Variants in BMP6 observed in about 807,000 individuals in gnomAD.
The protein encoded by BMP6 is bone morphogenetic protein 6.
A neutral mutation model predicts 54.1 loss-of-function variants in BMP6; 17 were observed. That is an observed-to-expected ratio of 0.31 (90% CI 0.22 to 0.47). The LOEUF (loss-of-function observed/expected upper bound fraction) is 0.47, where lower values mean the gene tolerates loss of function less well. Ranked by LOEUF, BMP6 falls within the 20% of genes least tolerant of loss-of-function variation. The pLI is 1.00. For missense variants in BMP6, 720 were observed against 690.4 expected (o/e 1.04, Z -0.48); for synonymous variants, 328 against 291.2 (o/e 1.13, Z -1.28).
At chr6:7,756,493 AT>A (rs1174199121) in intron 1 of BMP6, among the ~76,000 whole-genome samples, 1 of 151,704 alleles carries the variant, frequency 6.6e-6, no homozygotes, top group Non-Finnish European at 1.5e-5. Context: ...GTTTTTATGG[AT>A]TGATTTTTCT....
intron 1 of BMP6, among the ~76,000 whole-genome samples, chr6:7,788,335 A>T (rs1758047480): frequency 1.3e-5 from 2 of 152,154 alleles, no homozygotes; most frequent in African/African-American, 4.8e-5. Context: ...AGAACTGGGG[A>T]TCATACTTCA....
intron 1 of BMP6, among the ~76,000 whole-genome samples, chr6:7,756,116 C>A (rs1303007075): frequency 6.6e-6 from 1 of 151,952 alleles, no homozygotes; most frequent in African/African-American, 2.4e-5. Context: ...CACTTTTTGG[C>A]TTTCCTCTTT....
chr6:7,786,154 T>G (rs932420408), intron 1 of BMP6, among the ~76,000 whole-genome samples: 1 of 152,120 alleles, frequency 6.6e-6, no homozygotes, highest in Admixed American at 6.5e-5. Flanking sequence ...ATAGTGAAGT[T>G]TTCTCTGGAT....
In BMP6 at chr6:7,869,573, A is replaced by G. The variant is rs538136897; in HGVS notation, c.1204+7075A>G. Reference sequence around the variant, plus strand: ...TGCCCTGTCCTCACTGCACTGGATGAGAGAGCTATTCTGCAGTTTTCAGTT... The same window carrying G: ...TGCCCTGTCCTCACTGCACTGGATGGGAGAGCTATTCTGCAGTTTTCAGTT... On this transcript the variant is annotated intron_variant, in intron 4 of 6. Coordinates refer to ENST00000283147, the MANE Select transcript of BMP6 (RefSeq NM_001718.6). 1.5e-4 allele frequency among the ~76,000 whole-genome samples: 23 copies of G among 152,292 alleles called. 1 individual carries two copies. Among genetic ancestry groups the G allele is most frequent in the Admixed American group, 1.3e-3 (20 of 15,302 alleles).
At chr6:7,818,091 T>C (rs1484108178) in intron 1 of BMP6, among the ~76,000 whole-genome samples, 1 of 152,240 alleles carries the variant, frequency 6.6e-6, no homozygotes, top group African/African-American at 2.4e-5. Flanking sequence ...GACTGTTTTG[T>C]TCTGCTGATT....
chr6:7,787,521 G>C (rs967274028), intron 1 of BMP6, among the ~76,000 whole-genome samples: 2 of 152,118 alleles, frequency 1.3e-5, no homozygotes, highest in Non-Finnish European at 2.9e-5. Context: ...AAAAAAGCTC[G>C]AAGAGGAATC....
chr6:7,735,884 C>A (rs1471281314), intron 1 of BMP6, among the ~76,000 whole-genome samples: 3 of 152,272 alleles, frequency 2.0e-5, no homozygotes, highest in South Asian at 2.1e-4. Flanking sequence ...CTCTGCCCTA[C>A]AAATCCTCTG....
chr6:7,875,273 CGAG>C (rs1759595118), intron 4 of BMP6, among the ~76,000 whole-genome samples: 1 of 152,116 alleles, frequency 6.6e-6, no homozygotes, highest in Non-Finnish European at 1.5e-5. Context: ...GGCCCTGAAC[CGAG>C]GAGATGATAC....
chr6:7,859,505 G>A (rs1046300783), intron 2 of BMP6, among the ~76,000 whole-genome samples: 1 of 151,968 alleles, frequency 6.6e-6, no homozygotes, highest in East Asian at 1.9e-4. Context: ...GATGTGTGCC[G>A]TGCTTCCTCT....
chr6:7,814,705 T>G (rs1038940240), intron 1 of BMP6, among the ~76,000 whole-genome samples: 2 of 152,194 alleles, frequency 1.3e-5, no homozygotes, highest in Non-Finnish European at 2.9e-5. Flanking sequence ...ACATTAAGTA[T>G]GTAGCTTGAT....
intron 1 of BMP6, among the ~76,000 whole-genome samples, chr6:7,733,218 T>A (rs985733050): frequency 1.1e-4 from 17 of 152,364 alleles, no homozygotes; most frequent in African/African-American, 4.1e-4. Flanking sequence ...GAATGACTAT[T>A]GTTTAACTTA....
intron 1 of BMP6, among the ~76,000 whole-genome samples, chr6:7,743,689 C>T (rs1757303194): frequency 6.6e-6 from 1 of 152,210 alleles, no homozygotes; most frequent in Non-Finnish European, 1.5e-5. Context: ...TGCCACCTAG[C>T]ATCACTAACC....
intron 1 of BMP6, among the ~76,000 whole-genome samples, chr6:7,792,871 G>A (rs1758130593): frequency 6.6e-6 from 1 of 152,182 alleles, no homozygotes; most frequent in African/African-American, 2.4e-5. Context: ...TTGCAGCTGA[G>A]TGTTTCATAC....
At position 7,857,926 on chromosome 6, in the gene BMP6, G is replaced by A. The variant is rs568964580; in HGVS notation, c.858-3525G>A. 1.1e-4 allele frequency among the ~76,000 whole-genome samples: 16 copies of A among 152,208 alleles called. No individual in the cohort carries two copies. In the South Asian group the frequency reaches 1.2e-3, roughly 12 times the overall value. ...TATTAGTGATGTTCTCATGCTGGGC[G>A]CAGCATATTCTGCTTGGAAGGAGCA... On this transcript the variant is annotated intron_variant, in intron 2 of 6. Coordinates refer to ENST00000283147, the MANE Select transcript of BMP6 (RefSeq NM_001718.6).
chr6:7,744,301 C>A (rs567192072), intron 1 of BMP6, among the ~76,000 whole-genome samples: 3 of 152,116 alleles, frequency 2.0e-5, no homozygotes, highest in African/African-American at 7.2e-5. Context: ...AAACATGAAG[C>A]CTTGTCTCTA....
intron 1 of BMP6, among the ~76,000 whole-genome samples, chr6:7,808,863 A>G (rs1025116459): frequency 6.8e-6 from 1 of 146,294 alleles, no homozygotes; most frequent in African/African-American, 2.5e-5. Context: ...GCATTGAGCT[A>G]TGATAGTGGA....
intron 1 of BMP6, among the ~76,000 whole-genome samples, chr6:7,746,117 A>G (rs35707530): frequency 0.68 from 102,610 of 152,000 alleles, 35,937 homozygotes; most frequent in Non-Finnish European, 0.77. Flanking sequence ...GGAGGAATGC[A>G]TCAGGGGCAG....
At chr6:7,814,651 T>A (rs551154655) in intron 1 of BMP6, among the ~76,000 whole-genome samples, 1 of 152,324 alleles carries the variant, frequency 6.6e-6, no homozygotes, top group Non-Finnish European at 1.5e-5. Context: ...CATGTAATGA[T>A]GTGAGGGTCA....
intron 1 of BMP6, among the ~76,000 whole-genome samples, chr6:7,734,208 C>T (rs564883780): frequency 1.2e-4 from 19 of 152,272 alleles, no homozygotes; most frequent in Non-Finnish European, 2.2e-4. Context: ...CAACAGAAAA[C>T]CCATTTGGGG....
Sources: allele counts gnomAD v4.1 joint callset (sites outside exome capture counted in the v4.1 genomes callset), GRCh38; gene constraint gnomAD v4.1.1; transcripts MANE v1.5; gene names NCBI Gene and HGNC (gene_info 2026-07-23, HGNC 2026-07-21).